Variants in JAKMIP3 observed in about 807,000 individuals in gnomAD.
JAKMIP3 encodes Janus kinase and microtubule interacting protein 3.
In JAKMIP3, 58 loss-of-function variants were observed where a neutral mutation model predicts 118.5. The observed-to-expected ratio is 0.49, with a 90% CI of 0.40 to 0.61. The LOEUF is 0.61. Ranked by LOEUF, JAKMIP3 falls within the 20% of genes least tolerant of loss-of-function variation. The probability of loss-of-function intolerance (pLI) is 0.00; values close to 1 mark genes in which losing one functional copy is unlikely to be tolerated. For synonymous variants in JAKMIP3, 486 were observed against 451.2 expected (o/e 1.08, Z -0.98); for missense variants, 950 against 1,109.0 (o/e 0.86, Z 2.04).
upstream of JAKMIP3, among the ~76,000 whole-genome samples, chr10:132,036,470 C>T (rs921642316): frequency 6.6e-6 from 1 of 152,134 alleles, no homozygotes; most frequent in Non-Finnish European, 1.5e-5. Context: ...CCGCGGCCCC[C>T]GGGCTATTTT....
chr10:132,067,112 G>A (rs1440232768), intron 1 of JAKMIP3, among the ~76,000 whole-genome samples: 1 of 152,080 alleles, frequency 6.6e-6, no homozygotes, highest in Non-Finnish European at 1.5e-5. Context: ...AAAGTGAGCC[G>A]GGCCGAGGAA....
rs1554963314 is a variant in JAKMIP3 at position 132,180,724 on chromosome 10, T to TGTGTGC, written c.*1104-1627_*1104-1622dup. Among the ~76,000 whole-genome samples, 3 of 19,110 alleles carry TGTGTGC rather than the reference T, an allele frequency of 1.6e-4. 1 individual carries two copies. Among genetic ancestry groups the TGTGTGC allele is most frequent in the Admixed American group, 1.4e-3 (2 of 1,428 alleles). 12.5% of individuals were successfully genotyped at this position (19,110 alleles called of 152,430 possible). ...GTGTGTGTGCGCGTGTGTGTGCGTG[T>TGTGTGC]GTGTGCGTGTGTGCGTGCGTGCGCG... On this transcript the variant is annotated intron_variant, in intron 23 of 23. Coordinates refer to ENST00000684848, the MANE Select transcript of JAKMIP3 (RefSeq NM_001323087.2).
chr10:132,078,601 A>G (rs1180967274), intron 1 of JAKMIP3, among the ~76,000 whole-genome samples: 1 of 88,328 alleles, frequency 1.1e-5, no homozygotes, highest in Non-Finnish European at 2.3e-5. Flanking sequence ...CACTGAGCCC[A>G]GGGACCTTCT....
At chr10:132,176,061 G>A (rs2060111708) in intron 23 of JAKMIP3, among the ~76,000 whole-genome samples, 2 of 152,200 alleles carry the variant, frequency 1.3e-5, no homozygotes, top group African/African-American at 2.4e-5. Flanking sequence ...TGGAAGCAGA[G>A]GCTGCCAGAT....
At chr10:132,154,080 C>CCAG (rs138366344) in intron 19 of JAKMIP3, 90 bp downstream of exon 19, 147,840 of 1,185,020 alleles carry the variant, frequency 0.12, 11,387 homozygotes, top group Non-Finnish European at 0.14. Context: ...CCTCAGGTGC[C>CCAG]CATGTGGGCC....
At chr10:132,085,347 A>G (rs898488812) in intron 1 of JAKMIP3, among the ~76,000 whole-genome samples, 1 of 152,166 alleles carries the variant, frequency 6.6e-6, no homozygotes, top group Non-Finnish European at 1.5e-5. Flanking sequence ...TTTCTAGTTT[A>G]TACGTGTAAG....
chr10:132,100,752 TGCGAG>T (rs2044735355), intron 1 of JAKMIP3, among the ~76,000 whole-genome samples: 2 of 152,128 alleles, frequency 1.3e-5, no homozygotes, highest in Admixed American at 1.3e-4. Flanking sequence ...CATTTTAGGA[TGCGAG>T]GCGAGACTTG....
chr10:132,177,128 C>CT (rs1360105697), intron 23 of JAKMIP3, among the ~76,000 whole-genome samples: 3 of 152,248 alleles, frequency 2.0e-5, no homozygotes, highest in African/African-American at 7.2e-5. Flanking sequence ...CAGCCAGCAG[C>CT]TTACAGCCTG....
chr10:132,098,801 C>G (rs1182303346), intron 1 of JAKMIP3, among the ~76,000 whole-genome samples: 1 of 152,194 alleles, frequency 6.6e-6, no homozygotes, highest in Admixed American at 6.5e-5. Flanking sequence ...GCTCCTCTCT[C>G]AGAGCTGGAT....
intron 1 of JAKMIP3, among the ~76,000 whole-genome samples, chr10:132,104,161 C>T (rs545047143): frequency 6.6e-6 from 1 of 152,186 alleles, no homozygotes; most frequent in African/African-American, 2.4e-5. Context: ...TGGCAGCTAC[C>T]TGGATTGTGC....
chr10:132,071,853 C>CCTTTATTTCCTTT (rs2039946755), intron 1 of JAKMIP3, among the ~76,000 whole-genome samples: 1 of 114,938 alleles, frequency 8.7e-6, no homozygotes, highest in African/African-American at 3.8e-5. Context: ...TTCTTTCTTT[C>CCTTTATTTCCTTT]CTTTCTTTCC....
At chr10:132,087,881 C>T (rs1455765151) in intron 1 of JAKMIP3, among the ~76,000 whole-genome samples, 19 of 152,088 alleles carry the variant, frequency 1.2e-4, no homozygotes, top group Non-Finnish European at 2.4e-4. Context: ...TGACAGGCCC[C>T]GGTGTGTGAT....
intron 2 of JAKMIP3, among the ~76,000 whole-genome samples, chr10:132,107,759 C>T (rs2046138865): frequency 6.6e-6 from 1 of 152,234 alleles, no homozygotes; most frequent in Admixed American, 6.5e-5. Flanking sequence ...TCACATGCCC[C>T]ACCGTGGTGG....
chr10:132,069,629 A>G (rs952007258), intron 1 of JAKMIP3, among the ~76,000 whole-genome samples: 5 of 152,016 alleles, frequency 3.3e-5, no homozygotes, highest in African/African-American at 9.7e-5. Context: ...TCCAGCGGCC[A>G]TGTCCATTTC....
intron 3 of JAKMIP3, among the ~76,000 whole-genome samples, chr10:132,120,609 C>T (rs533538600): frequency 6.6e-6 from 1 of 152,326 alleles, no homozygotes; most frequent in East Asian, 1.9e-4. Context: ...CAAGAGGTGC[C>T]CTGAGGGCAT....
intron 9 of JAKMIP3, among the ~76,000 whole-genome samples, chr10:132,139,350 G>A (rs1029782003): frequency 6.7e-6 from 1 of 148,242 alleles, no homozygotes; most frequent in Non-Finnish European, 1.5e-5. Context: ...GTGTACATGT[G>A]AGTGTATATG....
In JAKMIP3 at chr10:132,180,783, G is replaced by GCGCA. The variant is rs2061304890; in HGVS notation, c.*1104-1571_*1104-1570insACGC. On this transcript the variant is annotated intron_variant, in intron 23 of 23. Coordinates refer to ENST00000684848, the MANE Select transcript of JAKMIP3 (RefSeq NM_001323087.2). ...TGCGTGTGTGTGCGTGTGTGTGTGT[G>GCGCA]CGCGTATGCATGTGCTGTGAGTGGT... 2.8e-5 allele frequency among the ~76,000 whole-genome samples: 2 copies of GCGCA among 70,968 alleles called. 1 individual carries two copies. Among genetic ancestry groups the GCGCA allele is most frequent in the African/African-American group, 1.1e-4 (2 of 18,562 alleles). 46.6% of individuals were successfully genotyped at this position (70,968 alleles called of 152,430 possible). A position where few individuals can be genotyped will look rare whatever the true frequency, so the allele number is the denominator to read the frequency against.
In JAKMIP3 at chr10:132,168,857, G is replaced by A. The variant is rs1034820211; in HGVS notation, c.*927G>A. 322 of 201,234 alleles carry A rather than the reference G, an allele frequency of 1.6e-3. 2 individuals are homozygous for A. The highest frequency in any genetic ancestry group is 6.9e-4 in the Non-Finnish European group (68 of 98,542). The allele number at this position is 201,234 out of a possible 1,614,324, so 12.5% of individuals were successfully genotyped here. ...CCACCCAGCCTGGAAGCCCCTGCAC[G>A]GGCCAGCCCTGCAGGCCATGGACCC... On this transcript the variant is annotated 3_prime_UTR_variant, in exon 23 of 24. Coordinates refer to ENST00000684848, the MANE Select transcript of JAKMIP3 (RefSeq NM_001323087.2).
chr10:132,168,397 C>T lies in JAKMIP3; in HGVS notation c.*467C>T. 2 of 1,289,392 alleles carry T rather than the reference C, an allele frequency of 1.6e-6. No homozygotes were observed. Among genetic ancestry groups the T allele is most frequent in the Non-Finnish European group, 2.0e-6 (2 of 988,700 alleles). 79.9% of individuals were successfully genotyped at this position (1,289,392 alleles called of 1,614,324 possible). A position where few individuals can be genotyped will look rare whatever the true frequency, so the allele number is the denominator to read the frequency against. ...AAACAACAGAGGCTTGGCCTGATGA[C>T]AAGATGAAAGCTGGACGGTGACCTT... is the stretch of plus-strand genomic sequence containing the variant. On this transcript the variant is annotated 3_prime_UTR_variant, in exon 23 of 24. Coordinates refer to ENST00000684848, the MANE Select transcript of JAKMIP3 (RefSeq NM_001323087.2).
Sources: gnomAD v4.1 joint callset for allele counts (sites outside exome capture counted in the v4.1 genomes callset) on GRCh38, gnomAD v4.1.1 for gene constraint, MANE v1.5 for transcripts, NCBI Gene and HGNC (gene_info 2026-07-23, HGNC 2026-07-21) for gene names.